The following TMEM161B variants were observed in gnomAD, a reference collection of about 807,000 sequenced individuals.
The protein encoded by TMEM161B is transmembrane protein 161B.
TMEM161B carries 34 observed loss-of-function variants against 61.8 expected under a neutral mutation model. That is an observed-to-expected ratio of 0.55 (90% CI 0.42 to 0.73). The LOEUF is 0.73. Among genes scored for constraint, TMEM161B ranks in the 30% least tolerant of loss-of-function variants. The pLI, the probability that TMEM161B is intolerant of heterozygous loss-of-function variation, is 0.00. For synonymous variants in TMEM161B, 167 were observed against 192.8 expected (o/e 0.87, Z 1.11); for missense variants, 456 against 558.5 (o/e 0.82, Z 1.85).
downstream of TMEM161B, among the ~76,000 whole-genome samples, chr5:88,189,120 T>A (rs1432544222): frequency 6.6e-6 from 1 of 152,210 alleles, no homozygotes; most frequent in Non-Finnish European, 1.5e-5. Flanking sequence ...TCTAATGGGT[T>A]ATAGCACACA....
chr5:88,209,194 T>C (rs1746200837), intron 5 of TMEM161B, among the ~76,000 whole-genome samples: 1 of 151,844 alleles, frequency 6.6e-6, no homozygotes, highest in African/African-American at 2.4e-5. Context: ...AAGGAAGAGC[T>C]TACATATTAG....
At chr5:88,194,402 C>A (rs963907889), downstream of TMEM161B, among the ~76,000 whole-genome samples, 1 of 152,024 alleles carries the variant, frequency 6.6e-6, no homozygotes, top group Non-Finnish European at 1.5e-5. Flanking sequence ...CCACTGATGG[C>A]CACTTAGGTT....
intron 1 of TMEM161B, among the ~76,000 whole-genome samples, chr5:88,261,591 G>A (rs1020759647): frequency 1.7e-4 from 25 of 149,132 alleles, no homozygotes; most frequent in African/African-American, 6.2e-4. Flanking sequence ...CAGATCAACA[G>A]AATAGAATAG....
chr5:88,237,120 C>T (rs1212680159), intron 2 of TMEM161B, among the ~76,000 whole-genome samples: 4 of 152,104 alleles, frequency 2.6e-5, no homozygotes, highest in African/African-American at 9.7e-5. Flanking sequence ...TCATTTAAAA[C>T]TTGTTTTGTC....
intron 1 of TMEM161B, among the ~76,000 whole-genome samples, chr5:88,248,714 GA>G (rs11286517): frequency 0.72 from 84,072 of 117,458 alleles, 27,809 homozygotes; most frequent in South Asian, 0.75. Context: ...AGTCGACTGA[GA>G]AAAAAAAAAA....
At chr5:88,202,020 A>T (rs982549034) in intron 9 of TMEM161B, 2 of 414,854 alleles carry the variant, frequency 4.8e-6, no homozygotes, top group Non-Finnish European at 9.7e-6. Flanking sequence ...AAGCAGTGAA[A>T]AGAACATTTA....
At chr5:88,186,897 T>C (rs978527603), downstream of TMEM161B, among the ~76,000 whole-genome samples, 4 of 146,348 alleles carry the variant, frequency 2.7e-5, no homozygotes, top group Non-Finnish European at 4.5e-5. Context: ...AGTGAGACTC[T>C]GTCTCAAACA....
chr5:88,206,858 A>C, intron 6 of TMEM161B, among the ~76,000 whole-genome samples, 171 bp downstream of exon 6: 1 of 152,106 alleles, frequency 6.6e-6, no homozygotes, highest in East Asian at 1.9e-4. Context: ...CTAAAACAAA[A>C]GCAAAAAATG....
rs199875632 is a variant in TMEM161B, at chr5:88,204,965, TTAGGAAA to T, written c.800+842_800+848del. On this transcript the variant is annotated intron_variant, in intron 8 of 11. Transcript: ENST00000296595. ...AAATAGGTTTTAAAGAATAGAAATG[TTAGGAAA>T]TAAGATTACCCAGATAAACTTAATG... Among the ~76,000 whole-genome samples, 980 of 152,182 alleles carry T rather than the reference TTAGGAAA, an allele frequency of 6.4e-3. 19 individuals carry two copies. The highest frequency in any genetic ancestry group is 0.043 in the Admixed American group (651 of 15,272).
At chr5:88,256,136 C>T (rs1000146926) in intron 1 of TMEM161B, among the ~76,000 whole-genome samples, 1 of 152,088 alleles carries the variant, frequency 6.6e-6, no homozygotes, top group African/African-American at 2.4e-5. Flanking sequence ...AAGTCACAAA[C>T]CATTTTAACA....
chr5:88,208,399 G>A (rs1167470850), intron 5 of TMEM161B, among the ~76,000 whole-genome samples: 2 of 152,002 alleles, frequency 1.3e-5, no homozygotes, highest in Non-Finnish European at 2.9e-5. Flanking sequence ...GCAGAATGGC[G>A]TGAACCCGGG....
rs754446018 is a variant in TMEM161B, at chr5:88,199,140, C to T, written c.925G>A (p.Ala309Thr). Residue 309 changes from alanine (A) to threonine (T), a missense_variant, in exon 10 of 12, where the codon GCC becomes ACC. By Grantham distance (58) the Ala-to-Thr change is moderately conservative. Around this residue, in one of 3 missense-constraint regions of TMEM161B, gnomAD observed 367 missense variants for 427.3 expected, o/e 0.86. Transcript: ENST00000296595. Reference protein sequence around the residue: ...GKESIPLMTEATFDTLRLWLI... With the variant: ...GKESIPLMTETTFDTLRLWLI... ...CAGAGTCGCAGAGTATCGAATGTGG[C>T]TTCTGTCATTCTACAGATCAAAAAG... 6.8e-6 allele frequency: 11 copies of T among 1,607,248 alleles called. No homozygotes were observed. Among genetic ancestry groups the T allele is most frequent in the Non-Finnish European group, 7.7e-6 (9 of 1,176,374 alleles).
At chr5:88,222,793 T>C (rs2112539503) in intron 4 of TMEM161B, among the ~76,000 whole-genome samples, 1 of 152,282 alleles carries the variant, frequency 6.6e-6, no homozygotes, top group South Asian at 2.1e-4. Context: ...ACAAATTATA[T>C]ATATTCTTGG....
chr5:88,186,520 G>T (rs1364963390), downstream of TMEM161B, among the ~76,000 whole-genome samples: 1 of 151,870 alleles, frequency 6.6e-6, no homozygotes. Context: ...TATATATCCT[G>T]ATTCCAGTCT....
intron 8 of TMEM161B, among the ~76,000 whole-genome samples, chr5:88,204,847 G>GA (rs1451967120): frequency 5.4e-5 from 7 of 128,974 alleles, no homozygotes; most frequent in Non-Finnish European, 8.1e-5. Context: ...TGGAAGTGAG[G>GA]TTAAAAAAAA....
chr5:88,265,796 C>A (rs911790578), intron 1 of TMEM161B, among the ~76,000 whole-genome samples: 3 of 152,130 alleles, frequency 2.0e-5, no homozygotes, highest in Non-Finnish European at 4.4e-5. Context: ...AGGTTTATAA[C>A]CTCCCCATGG....
At chr5:88,197,602 G>T in intron 11 of TMEM161B, 67 bp downstream of exon 11, 2 of 1,305,248 alleles carry the variant, frequency 1.5e-6, no homozygotes, top group Non-Finnish European at 2.1e-6. Context: ...CTTTGTTGGT[G>T]ACAAAAAGCT....
chr5:88,220,754 T>TAA, intron 4 of TMEM161B, 35 bp from the exon 5 acceptor site: 18 of 1,140,538 alleles, frequency 1.6e-5, no homozygotes, highest in Middle Eastern at 3.2e-4. Context: ...AAAAAAAAGG[T>TAA]CAAAAAAAAC....
At chr5:88,223,868 G>A (rs1044903646) in intron 4 of TMEM161B, among the ~76,000 whole-genome samples, 1 of 151,142 alleles carries the variant, frequency 6.6e-6, no homozygotes, top group African/African-American at 2.4e-5. Context: ...CAGCCTGGGT[G>A]ACAGAGCGAG....
Sources: gnomAD v4.1 joint callset for allele counts (sites outside exome capture counted in the v4.1 genomes callset) on GRCh38, gnomAD v4.1.1 for gene constraint, gnomAD v4.1.1 regional missense constraint, MANE v1.5 for transcripts, NCBI Gene and HGNC (gene_info 2026-07-23, HGNC 2026-07-21) for gene names.